PARD3B: variants seen among roughly 807,000 people sequenced by gnomAD.
The protein encoded by PARD3B is partitioning defective 3 homolog B.
In PARD3B, 103 loss-of-function variants were observed where a neutral mutation model predicts 130.2. The observed-to-expected ratio is 0.79, with a 90% CI of 0.67 to 0.93. PARD3B has a LOEUF of 0.93. Among genes scored for constraint, PARD3B ranks in the 40% least tolerant of loss-of-function variants. The pLI, the probability that PARD3B is intolerant of heterozygous loss-of-function variation, is 0.00. For missense variants in PARD3B, 1,609 were observed against 1,499.2 expected (o/e 1.07, Z -1.21); for synonymous variants, 583 against 553.2 (o/e 1.05, Z -0.76).
intron 19 of PARD3B, among the ~76,000 whole-genome samples, chr2:205,438,270 A>G (rs1458059714): frequency 6.6e-6 from 1 of 152,212 alleles, no homozygotes; most frequent in Non-Finnish European, 1.5e-5. Flanking sequence ...AGCAAGTTTA[A>G]TTAATGAGAA....
At chr2:205,178,986 A>G (rs953522482) in intron 13 of PARD3B, among the ~76,000 whole-genome samples, 1 of 152,178 alleles carries the variant, frequency 6.6e-6, no homozygotes, top group African/African-American at 2.4e-5. Flanking sequence ...ACCATAGGAA[A>G]TGACAGCTCT....
intron 2 of PARD3B, among the ~76,000 whole-genome samples, chr2:204,897,227 G>C (rs1166110604): frequency 6.6e-6 from 1 of 152,040 alleles, no homozygotes; most frequent in Non-Finnish European, 1.5e-5. Flanking sequence ...TGGTATACTT[G>C]TGTCTTTATT....
intron 10 of PARD3B, among the ~76,000 whole-genome samples, chr2:205,150,926 T>G (rs1396079808): frequency 1.3e-5 from 2 of 148,212 alleles, no homozygotes; most frequent in Non-Finnish European, 3.0e-5. Context: ...TGTATCCTAC[T>G]ACATAGTGAC....
intron 1 of PARD3B, among the ~76,000 whole-genome samples, chr2:204,633,344 AT>A (rs2034755784): frequency 6.6e-6 from 1 of 152,170 alleles, no homozygotes; most frequent in Non-Finnish European, 1.5e-5. Context: ...TCCCTAGATT[AT>A]TTTGAAGCAA....
At chr2:205,154,588 C>T (rs1260579234) in intron 10 of PARD3B, among the ~76,000 whole-genome samples, 1 of 152,208 alleles carries the variant, frequency 6.6e-6, no homozygotes, top group Non-Finnish European at 1.5e-5. Context: ...TATAAAGACA[C>T]ATGCACACAT....
chr2:205,325,526 T>TTAG lies in PARD3B; in HGVS notation c.2630+23845_2630+23847dup, dbSNP rs56071229. 0.6 allele frequency among the ~76,000 whole-genome samples: 89,571 copies of TTAG among 150,474 alleles called. 29,994 individuals carry two copies. The highest frequency in any genetic ancestry group is 0.77 in the South Asian group (3,624 of 4,736). ...TTTACTAATATCATCTCATTGTTTA[T>TTAG]TAGTAGTAGTAGTAGTAGTAGTCTC... On this transcript the variant is annotated intron_variant, in intron 18 of 22. Transcript: ENST00000406610. The surrounding 1 kb of genome is among the most constrained non-coding windows in gnomAD (Gnocchi z 4.1).
chr2:204,655,669 A>G (rs879270424), intron 1 of PARD3B, among the ~76,000 whole-genome samples: 86 of 152,300 alleles, frequency 5.6e-4, no homozygotes, highest in African/African-American at 1.9e-3. Flanking sequence ...GATAAGCGCT[A>G]GCTGTGTGAA....
chr2:205,074,555 A>G (rs1700929437), intron 4 of PARD3B, among the ~76,000 whole-genome samples: 2 of 152,246 alleles, frequency 1.3e-5, no homozygotes, highest in East Asian at 1.9e-4. Flanking sequence ...TCTGCCCTCT[A>G]TGTCATTCTT....
intron 1 of PARD3B, among the ~76,000 whole-genome samples, chr2:204,679,029 G>C (rs997427970): frequency 6.6e-6 from 1 of 152,048 alleles, no homozygotes; most frequent in Non-Finnish European, 1.5e-5. Context: ...TTTTGAACTT[G>C]TTATGCATGT....
chr2:205,511,863 G>T (rs974275704), intron 21 of PARD3B, among the ~76,000 whole-genome samples: 1 of 152,182 alleles, frequency 6.6e-6, no homozygotes, highest in African/African-American at 2.4e-5. Context: ...ACAGCTTCCT[G>T]ACTATAACCA....
intron 2 of PARD3B, among the ~76,000 whole-genome samples, chr2:204,873,095 G>A (rs1377462702): frequency 1.3e-5 from 2 of 152,136 alleles, no homozygotes; most frequent in African/African-American, 4.8e-5. Flanking sequence ...ATAACTAGTA[G>A]ATAATTAACA....
At position 205,470,023 on chromosome 2, in the gene PARD3B, C is replaced by T. The variant is rs939133507; in HGVS notation, c.3044+29351C>T. Among the ~76,000 whole-genome samples the T allele has an allele frequency of 5.9e-5, 9 of 152,184 alleles. No homozygotes were observed. The highest frequency in any genetic ancestry group is 1.0e-4 in the Non-Finnish European group (7 of 68,040). On this transcript the variant is annotated intron_variant, in intron 20 of 22. Transcript: ENST00000406610. This position sits in a 1 kb window ranked among gnomAD's most constrained non-coding sequence, Gnocchi z 4.8. ...TCTTTCTTCCTCCCACTATCCTTTT[C>T]TTTTTGGCCTCTCTCCTGCTTTCCA...
At chr2:205,570,985 T>C (rs7420812) in intron 22 of PARD3B, among the ~76,000 whole-genome samples, 21,837 of 152,180 alleles carry the variant, frequency 0.14, 1,829 homozygotes, top group East Asian at 0.32. Context: ...CACTCCACCA[T>C]ATATAATTTA....
intron 1 of PARD3B, among the ~76,000 whole-genome samples, chr2:204,656,942 C>A (rs2035658039): frequency 6.6e-6 from 1 of 152,154 alleles, no homozygotes. Flanking sequence ...GTTCTGAAGT[C>A]ACAATCTGAG....
intron 1 of PARD3B, among the ~76,000 whole-genome samples, chr2:204,668,287 G>A (rs1247523153): frequency 6.6e-6 from 1 of 152,146 alleles, no homozygotes; most frequent in African/African-American, 2.4e-5. Context: ...GCGCTTCTGT[G>A]CTTTAGATTA....
At chr2:204,729,122 T>C (rs2039373671) in intron 2 of PARD3B, among the ~76,000 whole-genome samples, 1 of 152,208 alleles carries the variant, frequency 6.6e-6, no homozygotes, top group Admixed American at 6.5e-5. Context: ...GAATATTCTC[T>C]GTTGATAATG....
chr2:204,805,814 G>T (rs769414760), intron 2 of PARD3B, among the ~76,000 whole-genome samples: 5 of 151,942 alleles, frequency 3.3e-5, no homozygotes, highest in South Asian at 2.1e-4. Flanking sequence ...GACAAGCCAT[G>T]TGGTCATTTC....
intron 22 of PARD3B, among the ~76,000 whole-genome samples, chr2:205,595,850 G>T (rs1324285392): frequency 7.2e-5 from 11 of 152,156 alleles, no homozygotes; most frequent in African/African-American, 2.2e-4. Context: ...TTTGCTAAAA[G>T]GAGTGAGAGT....
chr2:204,784,375 C>A (rs572998748), intron 2 of PARD3B, among the ~76,000 whole-genome samples: 2 of 151,780 alleles, frequency 1.3e-5, no homozygotes, highest in South Asian at 4.2e-4. Flanking sequence ...TATTTTTGTT[C>A]GTTTTTGGCT....
Sources: allele counts gnomAD v4.1 joint callset (sites outside exome capture counted in the v4.1 genomes callset), GRCh38; gene constraint gnomAD v4.1.1; non-coding constraint Gnocchi (gnomAD v3.1); transcripts MANE v1.5; gene names NCBI Gene and HGNC (gene_info 2026-07-23, HGNC 2026-07-21).